Variants in SGO1 observed in about 807,000 individuals in gnomAD.
SGO1 encodes the protein shugoshin 1, also known as serologically defined breast cancer antigen NY-BR-85.
In SGO1, 39 loss-of-function variants were observed where a neutral mutation model predicts 50.5. That is an observed-to-expected ratio of 0.77 (90% CI 0.60 to 1.01). The LOEUF (loss-of-function observed/expected upper bound fraction) is 1.01. Ranked by LOEUF, SGO1 falls within the 50% of genes least tolerant of loss-of-function variation. The pLI, the probability that SGO1 is intolerant of heterozygous loss-of-function variation, is 0.00. For synonymous variants in SGO1, 191 were observed against 205.1 expected (o/e 0.93, Z 0.59); for missense variants, 638 against 606.0 (o/e 1.05, Z -0.55).
At chr3:20,182,971 T>TCGCGC (rs2125385135) in intron 3 of SGO1, among the ~76,000 whole-genome samples, 1 of 151,704 alleles carries the variant, frequency 6.6e-6, no homozygotes, top group African/African-American at 2.4e-5. Flanking sequence ...TGAGCCGAGA[T>TCGCGC]CGCGCCACTG....
At chr3:20,168,017 A>G (rs980014955), downstream of SGO1, among the ~76,000 whole-genome samples, 10 of 152,224 alleles carry the variant, frequency 6.6e-5, no homozygotes, top group Non-Finnish European at 1.5e-4. Context: ...ATAAATCTCA[A>G]AAACAATATT....
At chr3:20,161,213 T>C (rs752084580) in exon 9 of SGO1, 36 of 1,603,104 alleles carry the variant, frequency 2.2e-5, no homozygotes, top group Non-Finnish European at 2.8e-5. Context: ...TGGCAGGTGA[T>C]ACCTCCAGGG....
At position 20,169,862 on chromosome 3, in the gene SGO1, A is replaced by G. The variant is rs78882686; in HGVS notation, c.*842T>C. 20,821 of 981,192 alleles carry G rather than the reference A, an allele frequency of 0.021. 247 individuals are homozygous for G. Among genetic ancestry groups the G allele is most frequent in the Non-Finnish European group, 0.023 (19,320 of 826,066 alleles). 60.8% of individuals were successfully genotyped at this position (981,192 alleles called of 1,614,324 possible). ...AATATAACAGTGGTATAAGGAATTCATAAACAACTTAGGGTGTACCCTACT... is the reference window on the plus strand; with the variant it reads ...AATATAACAGTGGTATAAGGAATTCGTAAACAACTTAGGGTGTACCCTACT... On this transcript the variant is annotated 3_prime_UTR_variant, in exon 8 of 8. Transcript: ENST00000412997.
At chr3:20,182,196 T>C (rs1702093933) in intron 3 of SGO1, among the ~76,000 whole-genome samples, 1 of 152,158 alleles carries the variant, frequency 6.6e-6, no homozygotes. Context: ...TGTGTGTATA[T>C]ATGTATATAT....
chr3:20,164,426 G>A (rs1267030059), intron 8 of SGO1, among the ~76,000 whole-genome samples: 2 of 151,990 alleles, frequency 1.3e-5, no homozygotes, highest in African/African-American at 4.8e-5. Flanking sequence ...AGGAATACAA[G>A]GAAATGTCTT....
chr3:20,166,591 G>C (rs757270663), downstream of SGO1, among the ~76,000 whole-genome samples: 1 of 152,100 alleles, frequency 6.6e-6, no homozygotes, highest in Non-Finnish European at 1.5e-5. Flanking sequence ...GGGGAGAAGA[G>C]AGAGTGATTG....
exon 9 of SGO1, chr3:20,160,655 G>A (rs995660057): frequency 5.9e-5 from 9 of 153,502 alleles, no homozygotes; most frequent in Admixed American, 5.1e-4. Flanking sequence ...AGAGAAACAG[G>A]AAACAGCTGT....
Position 20,174,854 on chromosome 3 carries a change from A to T in SGO1, c.677T>A (p.Val226Asp), listed in dbSNP as rs763248748. The T allele has an allele frequency of 2.0e-5, 33 of 1,613,852 alleles. No homozygotes were observed. Among genetic ancestry groups the T allele is most frequent in the Non-Finnish European group, 2.5e-5 (29 of 1,179,982 alleles). Residue 226 changes from valine (V) to aspartate (D), a missense_variant, in exon 6 of 8, where the codon GTT becomes GAT. Transcript: ENST00000412997. The stretch of plus-strand genomic sequence containing the variant: ...GTTTACTAGTGGGTCTAAAAATCCA[A>T]CTCTTTCGAATTCAAAAGACTTCCC... ...LAGKSFEFER[V>D]GFLDPLVNMH...
At chr3:20,163,247 A>G (rs1220688237) in intron 8 of SGO1, among the ~76,000 whole-genome samples, 1 of 151,378 alleles carries the variant, frequency 6.6e-6, no homozygotes, top group East Asian at 1.9e-4. Context: ...TCCTGTTTGG[A>G]AAAAAAAAGC....
chr3:20,175,022 C>T lies in SGO1; in HGVS notation c.509G>A (p.Gly170Glu). Reference sequence around the variant, plus strand: ...AGCTTCACCTGAATCAAAATCAACTCCCAGTGTGTCTTGAGGAATAGTAGG... The same window carrying T: ...AGCTTCACCTGAATCAAAATCAACTTCCAGTGTGTCTTGAGGAATAGTAGG... ...QIPTIPQDTL[G>E]VDFDSGEAKS... The change falls in exon 6 of 8, where the codon GGA becomes GAA. Residue 170 changes from glycine to glutamate, a missense_variant. Coordinates refer to ENST00000412997, the MANE Select transcript of SGO1 (RefSeq NM_001199251.3). 6.3e-7 allele frequency: 1 copy of T among 1,582,718 alleles called. No individual in the cohort carries two copies. Among genetic ancestry groups the T allele is most frequent in the Non-Finnish European group, 8.6e-7 (1 of 1,163,132 alleles).
chr3:20,161,021 A>G (rs2125211348), exon 9 of SGO1: 2 of 1,586,206 alleles, frequency 1.3e-6, no homozygotes, highest in East Asian at 2.3e-5. Context: ...CCCAACACAT[A>G]AAGCTAGAAT....
chr3:20,172,420 G>C (rs1700836908), intron 6 of SGO1, among the ~76,000 whole-genome samples: 1 of 149,536 alleles, frequency 6.7e-6, no homozygotes, highest in South Asian at 2.1e-4. Context: ...AGAATCGCTT[G>C]AACCCAGGAG....
At chr3:20,178,233 T>G in intron 4 of SGO1, 38 bp downstream of exon 4, 1 of 1,371,818 alleles carries the variant, frequency 7.3e-7, no homozygotes, top group Non-Finnish European at 1.0e-6. Context: ...TAAACCTTTC[T>G]TAGTATTAAT....
rs774937534 is a variant in SGO1, at chr3:20,174,691, A to C, written c.840T>G (p.Thr280=). The C allele has an allele frequency of 1.1e-5, 17 of 1,611,230 alleles. No individual in the cohort carries two copies. The highest frequency in any genetic ancestry group is 1.4e-5 in the Non-Finnish European group (17 of 1,179,166). The change falls in exon 6 of 8, where the codon ACT becomes ACG. Residue 280 remains threonine (T), a synonymous_variant. Coordinates refer to ENST00000412997, the MANE Select transcript of SGO1 (RefSeq NM_001199251.3). ...CTTGTGTATCTCTTTGCTTACTTTT[A>C]GTTTGTTCAGATTTAGATTCTAAAA... ...EDILESKSEQ[T]KSKQRDTQER...
chr3:20,170,926 T>A (rs1700657367), intron 7 of SGO1, 111 bp from the exon 8 acceptor site: 1 of 1,475,356 alleles, frequency 6.8e-7, no homozygotes, highest in African/African-American at 1.4e-5. Flanking sequence ...CTCACTTCAG[T>A]TTTTTTAAAT....
At position 20,173,528 on chromosome 3, in the gene SGO1, C is replaced by T. The variant is rs1361250691; in HGVS notation, c.1282+721G>A. Among the ~76,000 whole-genome samples, 3 of 152,204 alleles carry T rather than the reference C, an allele frequency of 2.0e-5. No individual in the cohort carries two copies. The East Asian group carries it at 5.8e-4, about 29-fold the overall frequency. ...TTGGTTTGGTTTTTAAGGTTTTAAT[C>T]TCCTTACAAACAAAATAAGCATCAT... is the stretch of plus-strand genomic sequence containing the variant. On this transcript the variant is annotated intron_variant, in intron 6 of 7. Coordinates refer to ENST00000412997, the MANE Select transcript of SGO1 (RefSeq NM_001199251.3).
rs1000121206 is a variant in SGO1, at chr3:20,182,675, G to A, written c.339+933C>T. On this transcript the variant is annotated intron_variant, in intron 3 of 7. Coordinates refer to ENST00000412997, the MANE Select transcript of SGO1 (RefSeq NM_001199251.3). ...ATATCTGTTATATTTTGGCTAGCAG[G>A]ACCATATTTGAACACCTTCTTTACA... 2.0e-5 allele frequency among the ~76,000 whole-genome samples: 3 copies of A among 152,102 alleles called. No individual in the cohort carries two copies. In the East Asian group the frequency reaches 5.8e-4, roughly 29 times the overall value.
At chr3:20,169,010 A>G, downstream of SGO1, 2 of 984,898 alleles carry the variant, frequency 2.0e-6, no homozygotes, top group South Asian at 4.7e-5. Flanking sequence ...AAATTAAAGA[A>G]TAAGTATGAA....
chr3:20,184,368 T>C (rs533315282), intron 1 of SGO1, among the ~76,000 whole-genome samples: 1 of 152,342 alleles, frequency 6.6e-6, no homozygotes, highest in South Asian at 2.1e-4. Context: ...TATTATTATA[T>C]TTTGATGCAT....
Sources: gnomAD v4.1 joint callset for allele counts (sites outside exome capture counted in the v4.1 genomes callset) on GRCh38, gnomAD v4.1.1 for gene constraint, MANE v1.5 for transcripts, NCBI Gene and HGNC (gene_info 2026-07-23, HGNC 2026-07-21) for gene names.